ABCC4: variants seen among roughly 807,000 people sequenced by gnomAD.
ABCC4 encodes ATP-binding cassette sub-family C member 4.
ABCC4 carries 102 observed loss-of-function variants against 168.5 expected under a neutral mutation model. The ratio of observed to expected loss-of-function variants is 0.61; its 90% CI spans 0.52 to 0.71. The LOEUF is 0.71. ABCC4 is among the 30% of genes least tolerant of loss of function. ABCC4 has a pLI of 0.00. For synonymous variants in ABCC4, 617 were observed against 590.7 expected (o/e 1.04, Z -0.65); for missense variants, 1,402 against 1,605.8 (o/e 0.87, Z 2.17).
intron 27 of ABCC4, among the ~76,000 whole-genome samples, chr13:95,051,940 C>A (rs749367844): frequency 6.6e-6 from 1 of 152,160 alleles, no homozygotes; most frequent in Admixed American, 6.5e-5. Context: ...GCTGGGATTA[C>A]AGGCATGAGC....
chr13:95,187,588 A>C (rs753389301), intron 10 of ABCC4, among the ~76,000 whole-genome samples: 1 of 152,230 alleles, frequency 6.6e-6, no homozygotes, highest in Non-Finnish European at 1.5e-5. Flanking sequence ...TGGGTGACAG[A>C]GCGAGACCAT....
intron 20 of ABCC4, among the ~76,000 whole-genome samples, chr13:95,110,400 G>A (rs1252516418): frequency 2.0e-5 from 3 of 151,818 alleles, no homozygotes; most frequent in Admixed American, 6.6e-5. Flanking sequence ...TTCCTTTTGG[G>A]AGAAACTTTG....
intron 1 of ABCC4, among the ~76,000 whole-genome samples, chr13:95,294,719 C>T (rs1594458593): frequency 6.6e-6 from 1 of 151,896 alleles, no homozygotes; most frequent in Admixed American, 6.6e-5. Context: ...TTGGGAGGCC[C>T]AGGTGGGTGG....
At chr13:95,130,178 C>T (rs1231954362) in intron 19 of ABCC4, among the ~76,000 whole-genome samples, 2 of 151,740 alleles carry the variant, frequency 1.3e-5, no homozygotes, top group South Asian at 2.1e-4. Flanking sequence ...AAATAAAGAT[C>T]GACTTTTATT....
chr13:95,070,323 C>T (rs769198886), intron 25 of ABCC4, among the ~76,000 whole-genome samples: 29 of 151,994 alleles, frequency 1.9e-4, no homozygotes, highest in Non-Finnish European at 3.5e-4. Context: ...AAAGGGTGCA[C>T]ACTAAGAGCA....
intron 9 of ABCC4, among the ~76,000 whole-genome samples, 153 bp from the exon 10 acceptor site, chr13:95,188,695 T>C (rs1344599626): frequency 6.6e-6 from 1 of 152,220 alleles, no homozygotes; most frequent in African/African-American, 2.4e-5. Context: ...TAGAGTCCTT[T>C]TCATACAATC....
chr13:95,257,552 A>G (rs141270788), intron 1 of ABCC4, among the ~76,000 whole-genome samples: 9 of 152,106 alleles, frequency 5.9e-5, no homozygotes, highest in African/African-American at 2.2e-4. Flanking sequence ...CATCCCAGCT[A>G]CTCAGGAGGC....
intron 20 of ABCC4, among the ~76,000 whole-genome samples, chr13:95,112,810 A>C (rs369705770): frequency 4.6e-5 from 7 of 152,164 alleles, no homozygotes; most frequent in African/African-American, 1.7e-4. Context: ...GAACCTAACG[A>C]GAGCCATCAA....
intron 4 of ABCC4, among the ~76,000 whole-genome samples, chr13:95,213,741 CTA>C (rs2039029055): frequency 6.6e-6 from 1 of 152,112 alleles, no homozygotes; most frequent in South Asian, 2.1e-4. Flanking sequence ...GCTACCTGCC[CTA>C]TGATTAACTG....
intron 4 of ABCC4, among the ~76,000 whole-genome samples, chr13:95,223,184 T>C (rs2039352817): frequency 6.6e-6 from 1 of 152,198 alleles, no homozygotes; most frequent in Non-Finnish European, 1.5e-5. Flanking sequence ...TAATATGGTA[T>C]TGGAGTAAAA....
chr13:95,132,840 C>T (rs2036016576), intron 19 of ABCC4, among the ~76,000 whole-genome samples: 2 of 151,996 alleles, frequency 1.3e-5, no homozygotes, highest in Non-Finnish European at 2.9e-5. Context: ...CTGTTTGATT[C>T]CAGTTATGTC....
At chr13:95,186,947 G>A in intron 10 of ABCC4, 55 bp from the exon 11 acceptor site, 1 of 1,473,778 alleles carries the variant, frequency 6.8e-7, no homozygotes. Flanking sequence ...ACAAGAATAA[G>A]CCACTGCAAT....
chr13:95,300,042 A>G (rs537325265), intron 1 of ABCC4, among the ~76,000 whole-genome samples: 1 of 152,276 alleles, frequency 6.6e-6, no homozygotes, highest in South Asian at 2.1e-4. Context: ...GGGTTTCACC[A>G]TGTCAGCCAG....
intron 3 of ABCC4, among the ~76,000 whole-genome samples, chr13:95,239,864 C>T (rs756080052): frequency 2.0e-5 from 3 of 152,134 alleles, no homozygotes; most frequent in Non-Finnish European, 4.4e-5. Context: ...TCTCTTTATG[C>T]AAATATTTCA....
intron 30 of ABCC4, among the ~76,000 whole-genome samples, chr13:95,025,169 ACACACACACCCACACACACCCACAC>A (rs2031343750): frequency 2.9e-5 from 4 of 139,906 alleles, no homozygotes; most frequent in Admixed American, 7.0e-5. Context: ...TTTCACATAC[ACACACACACCCACACACACCCACAC>A]CACACACCCC....
chr13:95,143,254 G>T (rs1321629643), intron 19 of ABCC4, among the ~76,000 whole-genome samples: 1 of 151,852 alleles, frequency 6.6e-6, no homozygotes, highest in Non-Finnish European at 1.5e-5. Context: ...ATTTCCACAA[G>T]CTTGAAAGGC....
chr13:95,163,799 G>C, intron 16 of ABCC4, 152 bp from the exon 17 acceptor site: 1 of 648,416 alleles, frequency 1.5e-6, no homozygotes, highest in Non-Finnish European at 2.7e-6. Context: ...TTGGGAGGCT[G>C]AGGCAGGCGG....
intron 4 of ABCC4, among the ~76,000 whole-genome samples, chr13:95,232,211 G>A (rs991711012): frequency 6.6e-6 from 1 of 151,908 alleles, no homozygotes; most frequent in South Asian, 2.1e-4. Context: ...TCATTTTCAT[G>A]TCACACATGA....
At chr13:95,187,868 C>T (rs998113861) in intron 10 of ABCC4, among the ~76,000 whole-genome samples, 2 of 152,140 alleles carry the variant, frequency 1.3e-5, no homozygotes, top group African/African-American at 4.8e-5. Context: ...CTGTGCCCCC[C>T]ACTATCAGAG....
Sources: gnomAD v4.1 joint callset for allele counts (sites outside exome capture counted in the v4.1 genomes callset) on GRCh38, gnomAD v4.1.1 for gene constraint, MANE v1.5 for transcripts, NCBI Gene and HGNC (gene_info 2026-07-23, HGNC 2026-07-21) for gene names.